Variants in GNAI1 observed in about 807,000 individuals in gnomAD.
GNAI1 encodes guanine nucleotide-binding protein G(i) subunit alpha-1.
In GNAI1, 11 loss-of-function variants were observed where a neutral mutation model predicts 38.9. The ratio of observed to expected loss-of-function variants is 0.28; its 90% CI spans 0.18 to 0.47. The LOEUF (loss-of-function observed/expected upper bound fraction) is 0.47, where lower values mean the gene tolerates loss of function less well. Among genes scored for constraint, GNAI1 ranks in the 20% least tolerant of loss-of-function variants. GNAI1 has a pLI of 0.99. For synonymous variants in GNAI1, 166 were observed against 145.1 expected, an observed-to-expected ratio of 1.14 and a Z score of -1.04; for missense variants, 317 against 436.9, an observed-to-expected ratio of 0.73 and a Z score of 2.45.
chr7:80,142,001 C>T (rs1461412546), intron 1 of GNAI1, among the ~76,000 whole-genome samples: 1 of 152,172 alleles, frequency 6.6e-6, no homozygotes, highest in African/African-American at 2.4e-5. Flanking sequence ...ATAGTATGTT[C>T]ATGATAATTC....
At chr7:80,191,911 T>TGATA (rs1276434228) in intron 3 of GNAI1, among the ~76,000 whole-genome samples, 1 of 152,218 alleles carries the variant, frequency 6.6e-6, no homozygotes, top group Non-Finnish European at 1.5e-5. Context: ...TTTTAACATC[T>TGATA]GATAAATCAG....
intron 1 of GNAI1, among the ~76,000 whole-genome samples, chr7:80,177,903 T>C (rs1788218988): frequency 2.6e-5 from 4 of 152,224 alleles, no homozygotes; most frequent in Admixed American, 2.6e-4. Flanking sequence ...TAGATAGTGA[T>C]TCCTTTAATA....
rs1281804251 is a variant in GNAI1 at position 80,218,975 on chromosome 7, G to A, written c.*1482G>A. ...GGAAAAGGTTAGTCTTTCAGTACAC[G>A]TTGCTGGTAAGTAGTTTCCAAGTTA... On this transcript the variant is annotated 3_prime_UTR_variant, in exon 8 of 8. Coordinates refer to ENST00000649796, the MANE Select transcript of GNAI1 (RefSeq NM_002069.6). 6.6e-6 allele frequency: 1 copy of A among 151,456 alleles called. No individual in the cohort carries two copies. The highest frequency in any genetic ancestry group is 1.5e-5 in the Non-Finnish European group (1 of 67,946). 9.4% of individuals were successfully genotyped at this position (151,456 alleles called of 1,614,324 possible).
In GNAI1 at chr7:80,205,991, A is replaced by T. The variant is rs550316355; in HGVS notation, c.590+2159A>T. Among the ~76,000 whole-genome samples, 3 of 152,080 alleles carry T rather than the reference A, an allele frequency of 2.0e-5. No individual in the cohort carries two copies. In the South Asian group the frequency reaches 6.2e-4, roughly 32 times the overall value. ...ATTTCTAAAATCATCTTGGAAAAAAAGGTTCCTAAGTGAGAGAAAAAATAA... is the reference window on the plus strand; with the variant it reads ...ATTTCTAAAATCATCTTGGAAAAAATGGTTCCTAAGTGAGAGAAAAAATAA... On this transcript the variant is annotated intron_variant, in intron 5 of 7. Coordinates refer to ENST00000649796, the MANE Select transcript of GNAI1 (RefSeq NM_002069.6).
At chr7:80,171,084 G>C (rs540299478) in intron 1 of GNAI1, among the ~76,000 whole-genome samples, 1 of 152,270 alleles carries the variant, frequency 6.6e-6, no homozygotes, top group African/African-American at 2.4e-5. Flanking sequence ...AGAAACTAAA[G>C]TATATTGTTA....
rs554253651 is a variant in GNAI1 at position 80,149,933 on chromosome 7, C to T, written c.118+14655C>T. On this transcript the variant is annotated intron_variant, in intron 1 of 7. Coordinates refer to ENST00000649796, the MANE Select transcript of GNAI1 (RefSeq NM_002069.6). ...ACAATAGACAAGATTGATTAATTCACGTTAGCATTGAAAACCTACATACCC... is the reference window on the plus strand; with the variant it reads ...ACAATAGACAAGATTGATTAATTCATGTTAGCATTGAAAACCTACATACCC... 6.6e-5 allele frequency among the ~76,000 whole-genome samples: 10 copies of T among 152,194 alleles called. No individual in the cohort carries two copies. The South Asian group carries it at 1.2e-3, about 19-fold the overall frequency.
At chr7:80,196,721 AGC>A (rs1788581075) in intron 3 of GNAI1, among the ~76,000 whole-genome samples, 1 of 151,940 alleles carries the variant, frequency 6.6e-6, no homozygotes. Context: ...ATTGCCTGAA[AGC>A]TCATCTACAG....
intron 5 of GNAI1, among the ~76,000 whole-genome samples, chr7:80,207,675 A>G (rs1788798867): frequency 6.6e-6 from 1 of 150,928 alleles, no homozygotes; most frequent in Non-Finnish European, 1.5e-5. Context: ...TCTACTGGGA[A>G]CTCTTGAGTG....
intron 1 of GNAI1, among the ~76,000 whole-genome samples, chr7:80,147,188 A>G (rs556312042): frequency 6.6e-6 from 1 of 152,254 alleles, no homozygotes; most frequent in East Asian, 1.9e-4. Context: ...TGTTTGTGAT[A>G]AAATTCCTTT....
At chr7:80,186,947 GTTGT>G (rs1788395724) in intron 1 of GNAI1, 1 of 152,142 alleles carries the variant, frequency 6.6e-6, no homozygotes. Context: ...TAAATAATGG[GTTGT>G]TTATCTTGGA....
rs57485323 is a variant in GNAI1 at position 80,219,027 on chromosome 7, T to TTG, written c.*1566_*1567dup. The TTG allele has an allele frequency of 0.043, 6,248 of 145,846 alleles. 159 individuals carry two copies. Among genetic ancestry groups the TTG allele is most frequent in the African/African-American group, 0.074 (2,927 of 39,302 alleles). 9.0% of individuals were successfully genotyped at this position (145,846 alleles called of 1,614,324 possible). ...GTGTTGTCACTGGGTTGAAGTATAT[T>TTG]TGTGTGTGTGTGTGTGTGTGTGTGT... On this transcript the variant is annotated 3_prime_UTR_variant, in exon 8 of 8. Transcript: ENST00000649796.
intron 1 of GNAI1, among the ~76,000 whole-genome samples, chr7:80,149,048 A>G (rs367854649): frequency 1.3e-5 from 2 of 152,158 alleles, no homozygotes; most frequent in East Asian, 1.9e-4. Flanking sequence ...TTCTCTCTAT[A>G]TAAAATATTA....
intron 1 of GNAI1, among the ~76,000 whole-genome samples, chr7:80,156,965 A>G (rs1018490421): frequency 2.6e-5 from 4 of 152,186 alleles, no homozygotes; most frequent in African/African-American, 9.7e-5. Context: ...ACACATCATC[A>G]TTCAAAGACT....
chr7:80,205,554 C>T (rs557048670), intron 5 of GNAI1, among the ~76,000 whole-genome samples: 42 of 151,632 alleles, frequency 2.8e-4, no homozygotes, highest in African/African-American at 7.0e-4. Flanking sequence ...TTAAATACAG[C>T]GAAGGATTAG....
At chr7:80,179,222 CCTTTTTCTT>C (rs1009161538) in intron 1 of GNAI1, among the ~76,000 whole-genome samples, 1 of 152,214 alleles carries the variant, frequency 6.6e-6, no homozygotes, top group Admixed American at 6.5e-5. Context: ...AAGGAGGTGA[CCTTTTTCTT>C]CTTTTTCTTC....
chr7:80,149,047 T>C (rs770492237), intron 1 of GNAI1, among the ~76,000 whole-genome samples: 15 of 152,160 alleles, frequency 9.9e-5, no homozygotes, highest in South Asian at 2.1e-4. Flanking sequence ...CTTCTCTCTA[T>C]ATAAAATATT....
intron 4 of GNAI1, among the ~76,000 whole-genome samples, chr7:80,200,773 T>C (rs758853507): frequency 2.8e-5 from 4 of 144,160 alleles, no homozygotes; most frequent in Non-Finnish European, 6.0e-5. Context: ...TTTACACTTG[T>C]ATTAACCATA....
chr7:80,208,218 A>G (rs1788810751), intron 5 of GNAI1, among the ~76,000 whole-genome samples: 1 of 152,154 alleles, frequency 6.6e-6, no homozygotes, highest in African/African-American at 2.4e-5. Flanking sequence ...ATGTTGGTTT[A>G]AACTCTTATC....
intron 3 of GNAI1, among the ~76,000 whole-genome samples, chr7:80,192,668 T>A (rs1040336515): frequency 2.0e-5 from 3 of 152,156 alleles, no homozygotes; most frequent in African/African-American, 7.2e-5. Flanking sequence ...TAAATGTCTG[T>A]TGCTGCTATT....
Sources: allele counts gnomAD v4.1 joint callset (sites outside exome capture counted in the v4.1 genomes callset), GRCh38; gene constraint gnomAD v4.1.1; transcripts MANE v1.5; gene names NCBI Gene and HGNC (gene_info 2026-07-23, HGNC 2026-07-21).